The following CACNB2 variants were observed in gnomAD, a reference collection of about 807,000 sequenced individuals.
The protein encoded by CACNB2 is voltage-dependent L-type calcium channel subunit beta-2.
A neutral mutation model predicts 73.3 loss-of-function variants in CACNB2; 42 were observed. That is an observed-to-expected ratio of 0.57 (90% CI 0.45 to 0.74). The LOEUF (loss-of-function observed/expected upper bound fraction) is 0.74. Ranked by LOEUF, CACNB2 falls within the 30% of genes least tolerant of loss-of-function variation. The pLI is 0.00. For missense variants in CACNB2, 940 were observed against 853.0 expected, an observed-to-expected ratio of 1.10 and a Z score of -1.27; for synonymous variants, 348 against 310.3, an observed-to-expected ratio of 1.12 and a Z score of -1.28.
chr10:18,372,933 T>A, intron 2 of CACNB2, among the ~76,000 whole-genome samples: 1 of 152,298 alleles, frequency 6.6e-6, no homozygotes, highest in African/African-American at 2.4e-5. Context: ...ACTTTCTCAG[T>A]TGAGTAGCTG....
At chr10:18,279,995 C>T (rs911116935) in intron 2 of CACNB2, among the ~76,000 whole-genome samples, 2 of 152,192 alleles carry the variant, frequency 1.3e-5, no homozygotes, top group African/African-American at 2.4e-5. Flanking sequence ...AAGAGAATCA[C>T]TTGAACCCAG....
chr10:18,289,858 AAGT>A (rs768532358), intron 2 of CACNB2, among the ~76,000 whole-genome samples: 69 of 152,094 alleles, frequency 4.5e-4, no homozygotes, highest in Admixed American at 9.8e-4. Flanking sequence ...TTTTTAAAAT[AAGT>A]AGGAACCATA....
At chr10:18,185,797 A>G (rs12355980) in intron 2 of CACNB2, among the ~76,000 whole-genome samples, 3,911 of 152,028 alleles carry the variant, frequency 0.026, 70 homozygotes, top group South Asian at 0.041. Flanking sequence ...TGTGCCTACC[A>G]TGTGCCAGAA....
At chr10:18,423,720 G>C (rs2045448487) in intron 3 of CACNB2, among the ~76,000 whole-genome samples, 1 of 152,050 alleles carries the variant, frequency 6.6e-6, no homozygotes, top group African/African-American at 2.4e-5. Flanking sequence ...TCAAGCATAA[G>C]ACATACAAAT....
At chr10:18,198,807 G>A (rs2034742607) in intron 2 of CACNB2, among the ~76,000 whole-genome samples, 1 of 152,136 alleles carries the variant, frequency 6.6e-6, no homozygotes. Context: ...TTGCTTTCAA[G>A]ATCCACCTTC....
chr10:18,265,007 C>A (rs563168256), intron 2 of CACNB2, among the ~76,000 whole-genome samples: 1 of 152,150 alleles, frequency 6.6e-6, no homozygotes, highest in Non-Finnish European at 1.5e-5. Flanking sequence ...GTGCCTCCCC[C>A]CTACACCTAG....
intron 3 of CACNB2, among the ~76,000 whole-genome samples, chr10:18,475,582 A>G (rs1419473018): frequency 6.6e-6 from 1 of 152,192 alleles, no homozygotes; most frequent in Admixed American, 6.5e-5. Flanking sequence ...ATATGGCTCC[A>G]CTTATTGATC....
intron 2 of CACNB2, chr10:18,260,429 A>C: frequency 1.0e-6 from 1 of 985,458 alleles, no homozygotes; most frequent in Non-Finnish European, 1.2e-6. Flanking sequence ...GCTTTAACCC[A>C]GAAAATGAAC....
chr10:18,539,835 T>C lies in CACNB2; in HGVS notation c.*111T>C, dbSNP rs955291530. The C allele has an allele frequency of 9.2e-7, 1 of 1,088,346 alleles. No homozygotes were observed. Among genetic ancestry groups the C allele is most frequent in the African/African-American group, 1.6e-5 (1 of 63,544 alleles). The allele number at this position is 1,088,346 out of a possible 1,614,324, so 67.4% of individuals were successfully genotyped here. A position where few individuals can be genotyped will look rare whatever the true frequency, so the allele number is the denominator to read the frequency against. ...CACTGCAATCATATGTGATCTGTCT[T>C]GTAATATTTTGTATTATTGCTGTTG... On this transcript the variant is annotated 3_prime_UTR_variant, in exon 14 of 14. Transcript: ENST00000324631.
At chr10:18,514,888 T>C (rs920405057) in intron 7 of CACNB2, 8 of 853,828 alleles carry the variant, frequency 9.4e-6, no homozygotes, top group African/African-American at 1.7e-5. Flanking sequence ...GTTATTAAAT[T>C]CTGACTTATG....
Position 18,524,032 on chromosome 10 carries a change from A to ATCC in CACNB2, c.945-3542_945-3540dup, listed in dbSNP as rs531917541. On this transcript the variant is annotated intron_variant, in intron 9 of 13. Transcript: ENST00000324631. ...TGTCAGATCAAAGAAGAAATAAATC[A>ATCC]TCCTCCTCCTCCTCCTGTTGTGTGC... Among the ~76,000 whole-genome samples, 56 of 152,144 alleles carry ATCC rather than the reference A, an allele frequency of 3.7e-4. 1 individual carries two copies. In the South Asian group the frequency reaches 0.01, roughly 28 times the overall value.
intron 2 of CACNB2, among the ~76,000 whole-genome samples, chr10:18,248,484 C>T (rs2131542001): frequency 6.6e-6 from 1 of 152,274 alleles, no homozygotes; most frequent in Middle Eastern, 3.4e-3. Flanking sequence ...AGAACTTTTT[C>T]TGTTGTATCT....
intron 2 of CACNB2, among the ~76,000 whole-genome samples, chr10:18,399,502 T>C (rs1221292584): frequency 6.6e-6 from 1 of 152,068 alleles, no homozygotes; most frequent in Non-Finnish European, 1.5e-5. Context: ...AAGATTATAT[T>C]AGTGCAGAGT....
intron 9 of CACNB2, among the ~76,000 whole-genome samples, chr10:18,524,646 C>G (rs1201917137): frequency 8.9e-6 from 1 of 112,658 alleles, no homozygotes; most frequent in South Asian, 3.2e-4. Context: ...CAGAGCAAGA[C>G]TCTATCTTAA....
At chr10:18,495,832 G>A (rs981758215) in intron 3 of CACNB2, among the ~76,000 whole-genome samples, 6 of 151,788 alleles carry the variant, frequency 4.0e-5, no homozygotes, top group African/African-American at 1.5e-4. Context: ...AACATTTCTA[G>A]AAAAAATAGA....
chr10:18,529,502 G>A (rs2052787919), intron 10 of CACNB2, among the ~76,000 whole-genome samples: 1 of 152,200 alleles, frequency 6.6e-6, no homozygotes, highest in African/African-American at 2.4e-5. Flanking sequence ...GAGGCACAGG[G>A]AAAGGCTTTT....
At chr10:18,454,131 G>T (rs11813051) in intron 3 of CACNB2, among the ~76,000 whole-genome samples, 6,081 of 152,194 alleles carry the variant, frequency 0.04, 287 homozygotes, top group South Asian at 0.12. Context: ...AAAATAAAAT[G>T]GACAGTTATC....
chr10:18,260,395 T>A, intron 2 of CACNB2: 1 of 982,252 alleles, frequency 1.0e-6, no homozygotes, highest in South Asian at 4.7e-5. Context: ...AAATTCGCCT[T>A]CCAGAGTTAT....
intron 2 of CACNB2, among the ~76,000 whole-genome samples, chr10:18,336,261 C>A (rs1412164015): frequency 3.9e-5 from 6 of 152,130 alleles, no homozygotes; most frequent in Non-Finnish European, 8.8e-5. Flanking sequence ...AAAGAAAGAA[C>A]CCTGAGCTAT....
Sources: gnomAD v4.1 joint callset for allele counts (sites outside exome capture counted in the v4.1 genomes callset) on GRCh38, gnomAD v4.1.1 for gene constraint, MANE v1.5 for transcripts, NCBI Gene and HGNC (gene_info 2026-07-23, HGNC 2026-07-21) for gene names.